The following ZNF713 variants were observed in gnomAD, a reference collection of about 807,000 sequenced individuals.
ZNF713 encodes zinc finger protein 713.
ZNF713 carries 21 observed loss-of-function variants against 28.7 expected under a neutral mutation model. That is an observed-to-expected ratio of 0.73 (90% CI 0.52 to 1.05). The LOEUF (loss-of-function observed/expected upper bound fraction) is 1.05. Among genes scored for constraint, ZNF713 ranks in the 50% least tolerant of loss-of-function variants. The probability of loss-of-function intolerance (pLI) is 0.00; values close to 1 mark genes in which losing one functional copy is unlikely to be tolerated. For synonymous variants in ZNF713, 167 were observed against 178.0 expected (o/e 0.94, Z 0.49); for missense variants, 458 against 532.4 (o/e 0.86, Z 1.37).
At chr7:55,914,906 G>A (rs191784251) in intron 4 of ZNF713, among the ~76,000 whole-genome samples, 13 of 152,320 alleles carry the variant, frequency 8.5e-5, no homozygotes, top group African/African-American at 2.9e-4. Flanking sequence ...CCAGGCTGGA[G>A]TGCAGTGGCA....
intron 2 of ZNF713, among the ~76,000 whole-genome samples, chr7:55,909,052 G>T (rs1785736998): frequency 6.6e-6 from 1 of 151,908 alleles, no homozygotes. Context: ...CAAAAAATTA[G>T]CTGGGCGTGG....
intron 6 of ZNF713, among the ~76,000 whole-genome samples, chr7:55,927,653 T>C (rs1786125546): frequency 1.3e-5 from 2 of 151,466 alleles, no homozygotes; most frequent in African/African-American, 4.9e-5. Flanking sequence ...TCCCAGCACT[T>C]TGGGAGGCCG....
At chr7:55,913,505 T>C (rs1207355239) in intron 4 of ZNF713, among the ~76,000 whole-genome samples, 1 of 152,028 alleles carries the variant, frequency 6.6e-6, no homozygotes, top group African/African-American at 2.4e-5. Flanking sequence ...CCGGCCTAAG[T>C]CTGTTACGAT....
At chr7:55,915,681 G>A (rs1785870695) in intron 4 of ZNF713, among the ~76,000 whole-genome samples, 1 of 152,164 alleles carries the variant, frequency 6.6e-6, no homozygotes, top group East Asian at 1.9e-4. Context: ...GTATATTTGA[G>A]AAATTAAAAG....
chr7:55,890,696 C>T (rs945828112), intron 1 of ZNF713, among the ~76,000 whole-genome samples: 1 of 151,878 alleles, frequency 6.6e-6, no homozygotes, highest in African/African-American at 2.4e-5. Context: ...GAAGAATTAT[C>T]CTGGTATCAC....
rs1406694040 is a variant in ZNF713, at chr7:55,937,069, C to T, written c.308-1913C>T. Among the ~76,000 whole-genome samples the T allele has an allele frequency of 5.3e-5, 8 of 152,036 alleles. No homozygotes were observed. In the South Asian group the frequency reaches 1.0e-3, roughly 20 times the overall value. ...ATCCCAGCACTTGGGGAGGCCAAGG[C>T]GGGCGGATTGCCTGAGCTTGGGAAT... On this transcript the variant is annotated intron_variant, in intron 6 of 6. Coordinates refer to ENST00000429591, the MANE Select transcript of ZNF713 (RefSeq NM_182633.3).
intron 1 of ZNF713, among the ~76,000 whole-genome samples, chr7:55,895,300 G>A (rs1038878743): frequency 3.9e-5 from 6 of 152,116 alleles, no homozygotes; most frequent in Admixed American, 3.9e-4. Flanking sequence ...TAGATAGAGA[G>A]CCTAAGGGAG....
intron 4 of ZNF713, among the ~76,000 whole-genome samples, chr7:55,919,725 C>A (rs903543398): frequency 6.6e-6 from 1 of 151,846 alleles, no homozygotes; most frequent in Admixed American, 6.6e-5. Flanking sequence ...TACAAAAATA[C>A]ACATACTATA....
chr7:55,926,296 C>T (rs532019701), intron 6 of ZNF713, among the ~76,000 whole-genome samples: 1 of 152,176 alleles, frequency 6.6e-6, no homozygotes, highest in South Asian at 2.1e-4. Context: ...GGCAACAGAG[C>T]GAGACTCTGT....
intron 1 of ZNF713, among the ~76,000 whole-genome samples, chr7:55,898,769 A>T (rs1785518962): frequency 6.6e-6 from 1 of 152,172 alleles, no homozygotes; most frequent in Non-Finnish European, 1.5e-5. Context: ...CTGAATAGAC[A>T]TTCTCATTCA....
At chr7:55,906,863 A>G (rs539865862) in intron 2 of ZNF713, among the ~76,000 whole-genome samples, 2 of 152,328 alleles carry the variant, frequency 1.3e-5, no homozygotes, top group South Asian at 4.1e-4. Context: ...ATTCATTTGC[A>G]TACACAATTA....
At chr7:55,921,391 C>T (rs188249635) in intron 4 of ZNF713, among the ~76,000 whole-genome samples, 6 of 152,168 alleles carry the variant, frequency 3.9e-5, no homozygotes, top group East Asian at 1.9e-4. Flanking sequence ...CTCTAGCTGC[C>T]GTAGATAGTG....
At chr7:55,907,216 C>T (rs1291037750) in intron 2 of ZNF713, among the ~76,000 whole-genome samples, 1 of 152,142 alleles carries the variant, frequency 6.6e-6, no homozygotes, top group East Asian at 1.9e-4. Context: ...GTAGAAGGAG[C>T]ACTGTGGACG....
intron 1 of ZNF713, among the ~76,000 whole-genome samples, chr7:55,898,654 C>G (rs890390647): frequency 9.9e-5 from 15 of 152,232 alleles, no homozygotes; most frequent in African/African-American, 3.4e-4. Flanking sequence ...CATGAAATTT[C>G]AGTAGGGACA....
At chr7:55,898,252 T>C (rs567544656) in intron 1 of ZNF713, among the ~76,000 whole-genome samples, 5 of 152,312 alleles carry the variant, frequency 3.3e-5, no homozygotes, top group African/African-American at 1.2e-4. Flanking sequence ...TAAAAAGCTT[T>C]TACACGGCAA....
At chr7:55,899,058 A>G (rs1562736270) in intron 1 of ZNF713, among the ~76,000 whole-genome samples, 1 of 152,200 alleles carries the variant, frequency 6.6e-6, no homozygotes, top group Non-Finnish European at 1.5e-5. Flanking sequence ...GAGTTCCTCA[A>G]AAAACAAAAA....
chr7:55,890,659 T>C (rs1286882119), intron 1 of ZNF713, among the ~76,000 whole-genome samples: 1 of 152,042 alleles, frequency 6.6e-6, no homozygotes, highest in Non-Finnish European at 1.5e-5. Context: ...AATGTATCCC[T>C]TAAGAGAATT....
In ZNF713 at chr7:55,919,490, G is replaced by GTTTTTTTTGTTTTTTTTTTGTTTTTT. The variant is rs1785945405; in HGVS notation, c.88-3664_88-3663insGTTTTTTTTTTGTTTTTTTTTTTTTT. On this transcript the variant is annotated intron_variant, in intron 4 of 6. Transcript: ENST00000429591. ...GCTGGATAAATTGGTAAACACTCCA[G>GTTTTTTTTGTTTTTTTTTTGTTTTTT]TTTTTTTTTTTTTTTTTTTTTTTTT... Among the ~76,000 whole-genome samples, 30 of 66,768 alleles carry GTTTTTTTTGTTTTTTTTTTGTTTTTT rather than the reference G, an allele frequency of 4.5e-4. 3 individuals carry two copies. Among genetic ancestry groups the GTTTTTTTTGTTTTTTTTTTGTTTTTT allele is most frequent in the African/African-American group, 1.1e-3 (22 of 20,190 alleles). The allele number at this position is 66,768 out of a possible 152,430, so 43.8% of individuals were successfully genotyped here. A position where few individuals can be genotyped will look rare whatever the true frequency, so the allele number is the denominator to read the frequency against.
rs570429976 is a variant in ZNF713, at chr7:55,939,084, G to C, written c.410G>C (p.Ser137Thr). 1.1e-5 allele frequency: 18 copies of C among 1,614,126 alleles called. No individual in the cohort carries two copies. In the African/African-American group the frequency reaches 2.1e-4, roughly 19 times the overall value. Reference protein sequence around the residue: ...EMIMERLAGDSFWYSILGGLW... With the variant: ...EMIMERLAGDTFWYSILGGLW... Reference sequence around the variant, plus strand: ...ATAATGGAGAGACTCGCAGGAGACAGCTTCTGGTACTCCATCCTAGGAGGA... The same window carrying C: ...ATAATGGAGAGACTCGCAGGAGACACCTTCTGGTACTCCATCCTAGGAGGA... Residue 137 changes from serine (S) to threonine (T), a missense_variant, in exon 7 of 7, where the codon AGC (serine) becomes ACC (threonine). Coordinates refer to ENST00000429591, the MANE Select transcript of ZNF713 (RefSeq NM_182633.3).
Sources: gnomAD v4.1 joint callset for allele counts (sites outside exome capture counted in the v4.1 genomes callset) on GRCh38, gnomAD v4.1.1 for gene constraint, MANE v1.5 for transcripts, NCBI Gene and HGNC (gene_info 2026-07-23, HGNC 2026-07-21) for gene names.